Variants in POLR3B observed in about 807,000 individuals in gnomAD.
POLR3B encodes DNA-directed RNA polymerase III subunit RPC2.
A neutral mutation model predicts 147.4 loss-of-function variants in POLR3B; 96 were observed. That is an observed-to-expected ratio of 0.65 (90% confidence interval 0.55 to 0.77). The LOEUF (loss-of-function observed/expected upper bound fraction) is 0.77, where lower values mean the gene tolerates loss of function less well. Ranked by LOEUF, POLR3B falls within the 30% of genes least tolerant of loss-of-function variation. The pLI is 0.00. For missense variants in POLR3B, 1,036 were observed against 1,413.5 expected, an observed-to-expected ratio of 0.73 and a Z score of 4.28; for synonymous variants, 461 against 485.9, an observed-to-expected ratio of 0.95 and a Z score of 0.67.
chr12:106,376,432 G>T lies in POLR3B; in HGVS notation c.478G>T (p.Glu160Ter). The stretch of plus-strand genomic sequence containing the variant: ...GCCAGCAGAATTTGCCAAACTGAAC[G>T]AATGTCCCTTAGATCCAGGTATGTG... ...KTPAEFAKLN[E>*]CPLDPGGYFI... The change falls in exon 7 of 28, where the codon GAA (glutamate) becomes TAA (stop). Residue 160 changes from glutamate (E) to a stop codon, truncating the protein, a stop_gained. Transcript: ENST00000228347. LOFTEE classifies it high-confidence loss of function. 1 of 1,611,594 alleles carries T rather than the reference G, an allele frequency of 6.2e-7. No individual in the cohort carries two copies. The highest frequency in any genetic ancestry group is 8.5e-7 in the Non-Finnish European group (1 of 1,178,118).
intron 23 of POLR3B, among the ~76,000 whole-genome samples, chr12:106,465,529 T>C (rs1410944438): frequency 6.6e-6 from 1 of 152,166 alleles, no homozygotes; most frequent in Non-Finnish European, 1.5e-5. Flanking sequence ...TTTTGTTACA[T>C]AGGTATACAC....
chr12:106,426,558 A>G (rs1039684875), intron 12 of POLR3B, among the ~76,000 whole-genome samples: 2 of 151,250 alleles, frequency 1.3e-5, no homozygotes, highest in Non-Finnish European at 2.9e-5. Context: ...CTCGTGATCA[A>G]CCCACCTTGG....
chr12:106,500,139 G>A, intron 25 of POLR3B: 1 of 455,944 alleles, frequency 2.2e-6, no homozygotes, highest in Non-Finnish European at 4.4e-6. Flanking sequence ...TTCCTCCCTG[G>A]ATCGTTGTGT....
In POLR3B at chr12:106,410,808, C is replaced by T. The variant is rs772919386; in HGVS notation, c.967-18C>T. The stretch of plus-strand genomic sequence containing the variant: ...ATGTCCATTTTCTCAAAATTTTTCT[C>T]CAATTTCTGACTTACAGGTTAAGGA... On this transcript the variant is annotated intron_variant, in intron 11 of 27. Transcript: ENST00000228347. 4 of 1,612,728 alleles carry T rather than the reference C, an allele frequency of 2.5e-6. No individual in the cohort carries two copies. The highest frequency in any genetic ancestry group is 2.5e-6 in the Non-Finnish European group (3 of 1,179,042).
chr12:106,393,206 C>T, intron 10 of POLR3B, 53 bp downstream of exon 10: 1 of 1,608,714 alleles, frequency 6.2e-7, no homozygotes, highest in Non-Finnish European at 8.5e-7. Flanking sequence ...AGACTTAATG[C>T]TGCTCATTGA....
chr12:106,452,876 T>C lies in POLR3B; in HGVS notation c.2084-1626T>C, dbSNP rs554008245. Among the ~76,000 whole-genome samples, 15 of 152,326 alleles carry C rather than the reference T, an allele frequency of 9.8e-5. No homozygotes were observed. The East Asian group carries it at 2.7e-3, about 27-fold the overall frequency. Reference sequence around the variant, plus strand: ...TACTGTCATAAAAAGTATAATAGAATTCTTCAATTTAATTTGCTTGACATT... The same window carrying C: ...TACTGTCATAAAAAGTATAATAGAACTCTTCAATTTAATTTGCTTGACATT... On this transcript the variant is annotated intron_variant, in intron 19 of 27. Coordinates refer to ENST00000228347, the MANE Select transcript of POLR3B (RefSeq NM_018082.6).
At chr12:106,502,497 C>T (rs1051437532) in intron 26 of POLR3B, among the ~76,000 whole-genome samples, 2 of 152,130 alleles carry the variant, frequency 1.3e-5, no homozygotes, top group South Asian at 2.1e-4. Context: ...ATGTGTACAG[C>T]ACCCATCCAC....
chr12:106,451,631 G>T, intron 19 of POLR3B, among the ~76,000 whole-genome samples: 1 of 108,744 alleles, frequency 9.2e-6, no homozygotes, highest in Non-Finnish European at 1.9e-5. Context: ...TTTAAAAAAA[G>T]GCGGGGGGGG....
At chr12:106,382,297 G>A (rs2036774294) in intron 9 of POLR3B, among the ~76,000 whole-genome samples, 1 of 152,140 alleles carries the variant, frequency 6.6e-6, no homozygotes, top group African/African-American at 2.4e-5. Flanking sequence ...GAAGGATGAA[G>A]CTCCATCTTC....
intron 27 of POLR3B, among the ~76,000 whole-genome samples, chr12:106,506,378 C>T (rs1042911523): frequency 2.0e-5 from 3 of 152,046 alleles, no homozygotes; most frequent in African/African-American, 7.2e-5. Context: ...CTTTTCTCTT[C>T]CTCCCCCTTG....
At chr12:106,501,190 C>T in intron 25 of POLR3B, 133 bp from the exon 26 acceptor site, 1 of 702,366 alleles carries the variant, frequency 1.4e-6, no homozygotes, top group Non-Finnish European at 2.6e-6. Flanking sequence ...TCTTTTCATT[C>T]ACTACAGACT....
intron 27 of POLR3B, among the ~76,000 whole-genome samples, chr12:106,505,792 T>C (rs534513849): frequency 7.5e-4 from 114 of 152,308 alleles, no homozygotes; most frequent in Middle Eastern, 3.4e-3. Flanking sequence ...CTTTTCCCCA[T>C]TGAGTCCCCA....
intron 9 of POLR3B, among the ~76,000 whole-genome samples, chr12:106,386,635 T>C (rs1277040944): frequency 1.3e-5 from 2 of 152,010 alleles, no homozygotes; most frequent in African/African-American, 4.8e-5. Context: ...TTGCTGGGCG[T>C]GGTGGCTCAC....
rs2036406930 is a variant in POLR3B, at chr12:106,357,847, G to T, written c.-33G>T. 1.2e-6 allele frequency: 2 copies of T among 1,607,214 alleles called. No homozygotes were observed. The highest frequency in any genetic ancestry group is 8.5e-7 in the Non-Finnish European group (1 of 1,176,486). Reference sequence around the variant, plus strand: ...TGGTGCAGGGAAGGCGGGCGCGGAGGTTCTATCTGTTTCTTCCTCCTTCGT... The same window carrying T: ...TGGTGCAGGGAAGGCGGGCGCGGAGTTTCTATCTGTTTCTTCCTCCTTCGT... On this transcript the variant is annotated 5_prime_UTR_variant, in exon 1 of 28. Coordinates refer to ENST00000228347, the MANE Select transcript of POLR3B (RefSeq NM_018082.6).
chr12:106,401,623 T>G (rs542935969), intron 10 of POLR3B, among the ~76,000 whole-genome samples: 3 of 152,330 alleles, frequency 2.0e-5, no homozygotes, highest in African/African-American at 7.2e-5. Flanking sequence ...CATGATCAAG[T>G]GGACTTCATC....
At chr12:106,368,828 T>C (rs1405273509) in intron 4 of POLR3B, among the ~76,000 whole-genome samples, 1 of 152,216 alleles carries the variant, frequency 6.6e-6, no homozygotes, top group South Asian at 2.1e-4. Flanking sequence ...CCAGCCACTC[T>C]CCATAGGTAA....
At chr12:106,489,024 A>G (rs1312316074) in intron 23 of POLR3B, among the ~76,000 whole-genome samples, 2 of 152,194 alleles carry the variant, frequency 1.3e-5, no homozygotes, top group East Asian at 1.9e-4. Context: ...AAAAAGCAAT[A>G]TATCACTTCC....
rs772499805 is a variant in POLR3B, at chr12:106,459,295, C to G, written c.2497C>G (p.Pro833Ala). Residue 833 changes from proline to alanine, a missense_variant, in exon 22 of 28, where the codon CCC becomes GCC. Physicochemically the swap from Pro to Ala is conservative, Grantham distance 27. Transcript: ENST00000228347. Reference protein sequence around the residue: ...NKQVLVNKSMPTVTQIPLEGS... With the variant: ...NKQVLVNKSMATVTQIPLEGS... ...ACAAGTGCTTGTAAATAAGTCCATG[C>G]CCACAGTGACTCAGATTCCTTTGGA... 1.2e-6 allele frequency: 2 copies of G among 1,609,910 alleles called. No individual in the cohort carries two copies. The highest frequency in any genetic ancestry group is 1.1e-5 in the South Asian group (1 of 91,006).
chr12:106,493,898 G>T (rs2038438741), intron 23 of POLR3B, among the ~76,000 whole-genome samples: 1 of 152,128 alleles, frequency 6.6e-6, no homozygotes, highest in African/African-American at 2.4e-5. Context: ...GGGTTTTCAG[G>T]GCCTGAAGTA....
Sources: gnomAD v4.1 joint callset for allele counts (sites outside exome capture counted in the v4.1 genomes callset) on GRCh38, gnomAD v4.1.1 for gene constraint, MANE v1.5 for transcripts, NCBI Gene and HGNC (gene_info 2026-07-23, HGNC 2026-07-21) for gene names.